The following CSMD3 variants were observed in gnomAD, a reference collection of about 807,000 sequenced individuals.
CSMD3 encodes CUB and Sushi multiple domains 3, also known as CUB and sushi domain-containing protein 3.
In CSMD3, 177 loss-of-function variants were observed where a neutral mutation model predicts 435.2. The ratio of observed to expected loss-of-function variants is 0.41; its 90% CI spans 0.36 to 0.46. CSMD3 has a LOEUF of 0.46. Among genes scored for constraint, CSMD3 ranks in the 20% least tolerant of loss-of-function variants. The pLI, the probability that CSMD3 is intolerant of heterozygous loss-of-function variation, is 0.34. For missense variants in CSMD3, 4,265 were observed against 4,504.6 expected, an observed-to-expected ratio of 0.95 and a Z score of 1.52; for synonymous variants, 1,656 against 1,520.5, an observed-to-expected ratio of 1.09 and a Z score of -2.07.
Position 112,345,208 on chromosome 8 carries a change from T to C in CSMD3, c.6442+889A>G, listed in dbSNP as rs149854722. Among the ~76,000 whole-genome samples, 174 of 152,212 alleles carry C rather than the reference T, an allele frequency of 1.1e-3. 1 individual carries two copies. Among genetic ancestry groups the C allele is most frequent in the African/African-American group, 3.9e-3 (162 of 41,544 alleles). ...TCCACAAAAAAATTTAAAACAGAAC[T>C]ACCACATGTGCCAACAATCCTACCA... On this transcript the variant is annotated intron_variant, in intron 41 of 70. Transcript: ENST00000297405.
intron 13 of CSMD3, among the ~76,000 whole-genome samples, chr8:112,699,071 A>G (rs1432359639): frequency 6.6e-6 from 1 of 152,158 alleles, no homozygotes; most frequent in Non-Finnish European, 1.5e-5. Context: ...GGGTGGGGCC[A>G]AATAAGGGAA....
chr8:113,328,588 C>T (rs567452581), intron 1 of CSMD3, among the ~76,000 whole-genome samples: 1 of 152,034 alleles, frequency 6.6e-6, no homozygotes. Flanking sequence ...GGGAAAGTCA[C>T]TAAGTGAACA....
intron 38 of CSMD3, among the ~76,000 whole-genome samples, chr8:112,362,440 T>G (rs1827332916): frequency 6.6e-6 from 1 of 151,980 alleles, no homozygotes; most frequent in Admixed American, 6.6e-5. Context: ...TATAAGTAAA[T>G]GAATACTCAG....
At chr8:112,306,368 C>A (rs906396495) in intron 50 of CSMD3, among the ~76,000 whole-genome samples, 176 bp from the exon 51 acceptor site, 1 of 152,052 alleles carries the variant, frequency 6.6e-6, no homozygotes, top group African/African-American at 2.4e-5. Flanking sequence ...TAATTTATTC[C>A]AAACCCTTAT....
At chr8:113,249,296 A>G (rs1200849317) in intron 3 of CSMD3, among the ~76,000 whole-genome samples, 1 of 152,106 alleles carries the variant, frequency 6.6e-6, no homozygotes. Flanking sequence ...AGAGCAGACT[A>G]ATACAGTTAT....
chr8:113,079,475 A>T (rs1293580492), intron 5 of CSMD3, among the ~76,000 whole-genome samples: 2 of 152,092 alleles, frequency 1.3e-5, no homozygotes, highest in Non-Finnish European at 2.9e-5. Context: ...TTCCTAAGTA[A>T]AGAGAATATT....
Position 112,475,564 on chromosome 8 carries a change from T to C in CSMD3, c.5279-2857A>G, listed in dbSNP as rs78225298. 2.4e-4 allele frequency among the ~76,000 whole-genome samples: 36 copies of C among 152,246 alleles called. 1 individual carries two copies. The East Asian group carries it at 7.0e-3, about 29-fold the overall frequency. ...ATTATAAATAAGGGAAAATTAACTA[T>C]GCTCTGAGATACACATCTATTGTAA... On this transcript the variant is annotated intron_variant, in intron 31 of 70. Coordinates refer to ENST00000297405, the MANE Select transcript of CSMD3 (RefSeq NM_198123.2).
Position 113,295,199 on chromosome 8 carries a change from T to C in CSMD3, c.402-16495A>G, listed in dbSNP as rs60179946. 3.5e-3 allele frequency among the ~76,000 whole-genome samples: 539 copies of C among 152,292 alleles called. 2 individuals carry two copies. Among genetic ancestry groups the C allele is most frequent in the African/African-American group, 0.012 (502 of 41,570 alleles). On this transcript the variant is annotated intron_variant, in intron 2 of 70. Coordinates refer to ENST00000297405, the MANE Select transcript of CSMD3 (RefSeq NM_198123.2). Reference sequence around the variant, plus strand: ...TATAAACGTCCCAATTATACTCTTATAGTTATTTTTAAATGCACAATAAAT... The same window carrying C: ...TATAAACGTCCCAATTATACTCTTACAGTTATTTTTAAATGCACAATAAAT...
intron 63 of CSMD3, among the ~76,000 whole-genome samples, chr8:112,247,493 T>C (rs918842562): frequency 6.6e-6 from 1 of 152,028 alleles, no homozygotes; most frequent in African/African-American, 2.4e-5. Flanking sequence ...AAATGAAGCT[T>C]GATAAAAATA....
chr8:112,556,292 G>T (rs1828111264), intron 25 of CSMD3, among the ~76,000 whole-genome samples: 1 of 151,514 alleles, frequency 6.6e-6, no homozygotes, highest in Non-Finnish European at 1.5e-5. Flanking sequence ...TATATCTTAT[G>T]TCACTCTCAC....
At chr8:113,196,250 C>T (rs1238284700) in intron 3 of CSMD3, among the ~76,000 whole-genome samples, 1 of 150,910 alleles carries the variant, frequency 6.6e-6, no homozygotes, top group Non-Finnish European at 1.5e-5. Flanking sequence ...TACTGGAAAA[C>T]TGAAAAAATA....
chr8:112,621,610 G>A (rs1267344830), intron 22 of CSMD3, among the ~76,000 whole-genome samples: 1 of 152,062 alleles, frequency 6.6e-6, no homozygotes, highest in Non-Finnish European at 1.5e-5. Flanking sequence ...ATTTGTGGAA[G>A]GGATTATCCC....
In CSMD3 at chr8:113,390,868, G is replaced by A. The variant is rs1173998035; in HGVS notation, c.178+45809C>T. On this transcript the variant is annotated intron_variant, in intron 1 of 70. Coordinates refer to ENST00000297405, the MANE Select transcript of CSMD3 (RefSeq NM_198123.2). ...TGGAAAGTATCTGGAACCTATTTCA[G>A]ACCCTACATCTTGAAAACCTTAGAA... Among the ~76,000 whole-genome samples the A allele has an allele frequency of 2.0e-5, 3 of 152,028 alleles. No individual in the cohort carries two copies. In the East Asian group the frequency reaches 5.8e-4, roughly 29 times the overall value.
chr8:112,868,022 A>G (rs2081033378), intron 10 of CSMD3, among the ~76,000 whole-genome samples: 2 of 152,044 alleles, frequency 1.3e-5, no homozygotes, highest in South Asian at 4.1e-4. Flanking sequence ...TCATTATTTT[A>G]TTTCTTCATA....
At chr8:112,361,843 A>G (rs1446747757) in intron 38 of CSMD3, among the ~76,000 whole-genome samples, 1 of 151,600 alleles carries the variant, frequency 6.6e-6, no homozygotes, top group East Asian at 1.9e-4. Context: ...CAAAAGTTAA[A>G]TCATGTGTCT....
In CSMD3 at chr8:112,724,074, A is replaced by G. The variant is rs140549208; in HGVS notation, c.1973-34024T>C. Among the ~76,000 whole-genome samples the G allele has an allele frequency of 2.1e-3, 317 of 152,198 alleles. 1 individual carries two copies. The highest frequency in any genetic ancestry group is 7.3e-3 in the African/African-American group (305 of 41,552). On this transcript the variant is annotated intron_variant, in intron 13 of 70. Coordinates refer to ENST00000297405, the MANE Select transcript of CSMD3 (RefSeq NM_198123.2). Reference sequence around the variant, plus strand: ...TAAAATTATATAATATTAGAAGGTAATAAGTGCTATGGATGAAAAAAATGA... The same window carrying G: ...TAAAATTATATAATATTAGAAGGTAGTAAGTGCTATGGATGAAAAAAATGA...
At position 113,098,876 on chromosome 8, in the gene CSMD3, T is replaced by C; in HGVS notation, c.797A>G (p.Asp266Gly). The change falls in exon 5 of 71, where the codon GAT becomes GGT. Residue 266 changes from aspartate (D) to glycine (G), a missense_variant. Physicochemically the swap from Asp to Gly is moderately conservative, Grantham distance 94. Around this residue, in one of 3 missense-constraint regions of CSMD3, gnomAD observed 731 missense variants for 755.4 expected, o/e 0.97. Coordinates refer to ENST00000297405, the MANE Select transcript of CSMD3 (RefSeq NM_198123.2). ...SFPNEYHNNA[D>G]CTWTIVAEPG... ...CTCTGCTACAATGGTCCAAGTGCAA[T>C]CAGCATTGTTATGGTACTCATTAGG... is the stretch of plus-strand genomic sequence containing the variant. 1 of 1,611,428 alleles carries C rather than the reference T, an allele frequency of 6.2e-7. No individual in the cohort carries two copies. The highest frequency in any genetic ancestry group is 8.5e-7 in the Non-Finnish European group (1 of 1,177,786).
At chr8:112,462,240 G>A (rs1475948429) in intron 32 of CSMD3, among the ~76,000 whole-genome samples, 1 of 152,278 alleles carries the variant, frequency 6.6e-6, no homozygotes, top group African/African-American at 2.4e-5. Flanking sequence ...ATGCCACCTG[G>A]TATGAAATAG....
chr8:112,742,780 T>G (rs935873918), intron 13 of CSMD3, among the ~76,000 whole-genome samples: 1 of 151,976 alleles, frequency 6.6e-6, no homozygotes, highest in African/African-American at 2.4e-5. Flanking sequence ...ATCCTCTTTT[T>G]TGAGAACTGA....
Sources: gnomAD v4.1 joint callset for allele counts (sites outside exome capture counted in the v4.1 genomes callset) on GRCh38, gnomAD v4.1.1 for gene constraint, gnomAD v4.1.1 regional missense constraint, MANE v1.5 for transcripts, NCBI Gene and HGNC (gene_info 2026-07-23, HGNC 2026-07-21) for gene names.